EPB41: variants seen among roughly 807,000 people sequenced by gnomAD.
EPB41 encodes erythrocyte membrane protein band 4.1, also known as protein 4.1.
EPB41 carries 65 observed loss-of-function variants against 108.0 expected under a neutral mutation model. The ratio of observed to expected loss-of-function variants is 0.60; its 90% CI spans 0.49 to 0.74. The LOEUF (loss-of-function observed/expected upper bound fraction) is 0.74, where lower values mean the gene tolerates loss of function less well. Among genes scored for constraint, EPB41 ranks in the 30% least tolerant of loss-of-function variants. EPB41 has a pLI of 0.00. For synonymous variants in EPB41, 336 were observed against 358.9 expected, an observed-to-expected ratio of 0.94 and a Z score of 0.72; for missense variants, 875 against 1,037.0, an observed-to-expected ratio of 0.84 and a Z score of 2.15.
intron 1 of EPB41, among the ~76,000 whole-genome samples, chr1:28,906,946 A>C (rs2091882105): frequency 7.2e-6 from 1 of 139,410 alleles, no homozygotes; most frequent in Non-Finnish European, 1.5e-5. Context: ...AGCCCAGCTA[A>C]TTTTTTTGTA....
At chr1:29,095,134 C>A (rs909200092) in intron 16 of EPB41, among the ~76,000 whole-genome samples, 18 of 144,568 alleles carry the variant, frequency 1.2e-4, no homozygotes, top group Admixed American at 8.0e-4. Flanking sequence ...CCCACAGATA[C>A]AGAGTGGTGA....
chr1:28,906,726 A>T (rs1394051807), intron 1 of EPB41, among the ~76,000 whole-genome samples: 1 of 152,154 alleles, frequency 6.6e-6, no homozygotes. Flanking sequence ...GGCATCAGAC[A>T]GACCTAGTTT....
At chr1:28,959,211 T>TC (rs1557819552) in intron 1 of EPB41, among the ~76,000 whole-genome samples, 1 of 137,952 alleles carries the variant, frequency 7.2e-6, no homozygotes, top group African/African-American at 2.8e-5. Flanking sequence ...AAAAGTTTGA[T>TC]CTTTTTTTTT....
At chr1:28,932,794 C>T (rs1449159464) in intron 1 of EPB41, among the ~76,000 whole-genome samples, 2 of 152,086 alleles carry the variant, frequency 1.3e-5, no homozygotes, top group Admixed American at 6.6e-5. Flanking sequence ...ATAGTATGGC[C>T]TTGATATTTG....
chr1:28,974,913 G>T (rs988492668), intron 1 of EPB41, among the ~76,000 whole-genome samples: 1 of 151,932 alleles, frequency 6.6e-6, no homozygotes, highest in Non-Finnish European at 1.5e-5. Context: ...TCCTGCCTCA[G>T]CCTCCAAAGT....
intron 16 of EPB41, among the ~76,000 whole-genome samples, chr1:29,075,571 A>G (rs1653674385): frequency 6.6e-6 from 1 of 152,224 alleles, no homozygotes. Context: ...TGACATTTGA[A>G]AGATTGAAAG....
At position 29,118,612 on chromosome 1, in the gene EPB41, C is replaced by T. The variant is rs1316145171; in HGVS notation, c.*1800C>T. 6.6e-6 allele frequency: 1 copy of T among 152,270 alleles called. No homozygotes were observed. Among genetic ancestry groups the T allele is most frequent in the African/African-American group, 2.4e-5 (1 of 41,448 alleles). The allele number at this position is 152,270 out of a possible 1,614,324, so 9.4% of individuals were successfully genotyped here. On this transcript the variant is annotated 3_prime_UTR_variant, in exon 21 of 21. Coordinates refer to ENST00000343067, the MANE Select transcript of EPB41 (RefSeq NM_001376013.1). ...CAACACCGTCCAAAGTCTCCACTGC[C>T]TGAGTTTTGTTTCGGCTGGTTTGAA...
At chr1:29,106,564 AT>A (rs1187973613) in intron 17 of EPB41, among the ~76,000 whole-genome samples, 170 of 50,860 alleles carry the variant, frequency 3.3e-3, no homozygotes, top group African/African-American at 0.013. Flanking sequence ...AGTAGCTGGG[AT>A]TTTTTTTTTT....
intron 17 of EPB41, among the ~76,000 whole-genome samples, chr1:29,108,538 A>G: frequency 6.6e-6 from 1 of 151,928 alleles, no homozygotes; most frequent in East Asian, 1.9e-4. Flanking sequence ...CTTTGTGCCC[A>G]GGGAATTTAT....
chr1:28,955,332 A>T (rs1213669492), intron 1 of EPB41, among the ~76,000 whole-genome samples: 1 of 150,164 alleles, frequency 6.7e-6, no homozygotes, highest in Non-Finnish European at 1.5e-5. Context: ...CAATCTGATG[A>T]TCTGTTTTTC....
At chr1:28,992,637 C>T (rs897473279) in intron 2 of EPB41, among the ~76,000 whole-genome samples, 1 of 152,084 alleles carries the variant, frequency 6.6e-6, no homozygotes, top group South Asian at 2.1e-4. Context: ...TGGAGTAAGC[C>T]GAGATCGCGC....
chr1:29,023,634 C>T (rs2096675839), intron 7 of EPB41, among the ~76,000 whole-genome samples: 1 of 151,754 alleles, frequency 6.6e-6, no homozygotes, highest in South Asian at 2.1e-4. Flanking sequence ...TTGCAGTGAA[C>T]CGAGATCATG....
chr1:28,975,618 T>C (rs1420898109), intron 1 of EPB41, among the ~76,000 whole-genome samples: 1 of 152,132 alleles, frequency 6.6e-6, no homozygotes, highest in Non-Finnish European at 1.5e-5. Flanking sequence ...TTTCATAATG[T>C]GTCTTTGCCT....
intron 16 of EPB41, among the ~76,000 whole-genome samples, chr1:29,081,880 T>C (rs1331551754): frequency 6.6e-6 from 1 of 151,876 alleles, no homozygotes; most frequent in Non-Finnish European, 1.5e-5. Flanking sequence ...TAGAGTGGTC[T>C]ATTTACTAGC....
intron 2 of EPB41, among the ~76,000 whole-genome samples, 196 bp downstream of exon 2, chr1:28,988,101 A>G (rs2095910779): frequency 6.6e-6 from 1 of 152,188 alleles, no homozygotes; most frequent in Non-Finnish European, 1.5e-5. Context: ...TGTCTCTACT[A>G]AAAGTACAAA....
In EPB41 at chr1:28,887,639, C is replaced by A; in HGVS notation, c.-8+429C>A. ...CCGCAGCAGCGCTGGAGCGGGCTGG[C>A]GGCTAGCAGCGGGAGGGGGCTCCGG... On this transcript the variant is annotated intron_variant, in intron 1 of 16. Transcript: ENST00000347529. The surrounding 1 kb of genome is among the most constrained non-coding windows in gnomAD (Gnocchi z 4.9). 5 of 985,256 alleles carry A rather than the reference C, an allele frequency of 5.1e-6. No individual in the cohort carries two copies. Among genetic ancestry groups the A allele is most frequent in the Non-Finnish European group, 6.0e-6 (5 of 829,858 alleles). The allele number at this position is 985,256 out of a possible 1,614,324, so 61.0% of individuals were successfully genotyped here. A position where few individuals can be genotyped will look rare whatever the true frequency, so the allele number is the denominator to read the frequency against.
chr1:28,930,454 CACT>C (rs1454952096), intron 1 of EPB41, among the ~76,000 whole-genome samples: 2 of 150,932 alleles, frequency 1.3e-5, no homozygotes, highest in Non-Finnish European at 2.9e-5. Flanking sequence ...AGGCATGAAC[CACT>C]ACATCTGGCC....
chr1:28,919,164 G>GA (rs2092894773), intron 1 of EPB41, among the ~76,000 whole-genome samples: 1 of 152,156 alleles, frequency 6.6e-6, no homozygotes, highest in South Asian at 2.1e-4. Flanking sequence ...TTGGTTTTGG[G>GA]AAAATCCGAT....
intron 1 of EPB41, among the ~76,000 whole-genome samples, chr1:28,981,301 A>G (rs2149438312): frequency 6.6e-6 from 1 of 152,346 alleles, no homozygotes; most frequent in Non-Finnish European, 1.5e-5. Context: ...AAGATGGGAA[A>G]ATTTAACAGG....
Sources: allele counts gnomAD v4.1 joint callset (sites outside exome capture counted in the v4.1 genomes callset), GRCh38; gene constraint gnomAD v4.1.1; non-coding constraint Gnocchi (gnomAD v3.1); transcripts MANE v1.5; gene names NCBI Gene and HGNC (gene_info 2026-07-23, HGNC 2026-07-21).